The following SRBD1 variants were observed in gnomAD, a reference collection of about 807,000 sequenced individuals.
SRBD1 encodes S1 RNA binding domain 1.
In SRBD1, 88 loss-of-function variants were observed where a neutral mutation model predicts 115.3. The observed-to-expected ratio is 0.76, with a 90% confidence interval of 0.64 to 0.91. The LOEUF is 0.91. Among genes scored for constraint, SRBD1 ranks in the 40% least tolerant of loss-of-function variants. The probability of loss-of-function intolerance (pLI) is 0.00; values close to 1 mark genes in which losing one functional copy is unlikely to be tolerated. For synonymous variants in SRBD1, 509 were observed against 407.7 expected (o/e 1.25, Z -2.99); for missense variants, 1,385 against 1,177.4 (o/e 1.18, Z -2.58).
chr2:45,596,094 T>C (rs1052807963), intron 4 of SRBD1, among the ~76,000 whole-genome samples: 6 of 152,216 alleles, frequency 3.9e-5, no homozygotes, highest in African/African-American at 1.4e-4. Flanking sequence ...CATAAAATAG[T>C]TCTTGTGCCT....
chr2:45,500,728 T>A (rs529539222), intron 14 of SRBD1, among the ~76,000 whole-genome samples: 1 of 152,200 alleles, frequency 6.6e-6, no homozygotes, highest in African/African-American at 2.4e-5. Context: ...CAGTATTGAT[T>A]TTCATATGTT....
Position 45,551,115 on chromosome 2 carries a change from G to C in SRBD1, c.1675+10C>G. 1.3e-6 allele frequency: 2 copies of C among 1,579,404 alleles called. No individual in the cohort carries two copies. The highest frequency in any genetic ancestry group is 1.7e-6 in the Non-Finnish European group (2 of 1,168,698). On this transcript the variant is annotated intron_variant, in intron 12 of 20. Coordinates refer to ENST00000263736, the MANE Select transcript of SRBD1 (RefSeq NM_018079.5). Reference sequence around the variant, plus strand: ...ACAACTTTTACATGGAAAATTGCAAGACAACTTACTAGTAGGAGAAATTAT... The same window carrying C: ...ACAACTTTTACATGGAAAATTGCAACACAACTTACTAGTAGGAGAAATTAT...
intron 16 of SRBD1, among the ~76,000 whole-genome samples, chr2:45,465,053 T>G (rs554675425): frequency 0.026 from 2,489 of 95,456 alleles, 66 homozygotes; most frequent in Admixed American, 0.1. Flanking sequence ...ACACACAGAG[T>G]CATCCCCTGG....
At chr2:45,569,104 A>G (rs1250442770) in intron 9 of SRBD1, 1 of 145,734 alleles carries the variant, frequency 6.9e-6, no homozygotes, top group Non-Finnish European at 1.5e-5. Flanking sequence ...TACTTGTGGG[A>G]TAATTCACAC....
intron 20 of SRBD1, among the ~76,000 whole-genome samples, chr2:45,390,937 C>A (rs1231062583): frequency 6.6e-6 from 1 of 152,144 alleles, no homozygotes; most frequent in East Asian, 1.9e-4. Flanking sequence ...AAGCAAGAAA[C>A]CTACTGTAAT....
At chr2:45,544,188 G>A (rs1032814700) in intron 14 of SRBD1, among the ~76,000 whole-genome samples, 8 of 141,844 alleles carry the variant, frequency 5.6e-5, no homozygotes, top group Middle Eastern at 3.9e-3. Flanking sequence ...AACCAAGATC[G>A]CGCCACTGCA....
chr2:45,392,881 G>A, intron 20 of SRBD1, 64 bp downstream of exon 20: 1 of 1,429,504 alleles, frequency 7.0e-7, no homozygotes, highest in Non-Finnish European at 9.5e-7. Flanking sequence ...TTGCTGTGAG[G>A]ATCAAAGGAG....
chr2:45,546,500 G>C, intron 14 of SRBD1: 1 of 394,340 alleles, frequency 2.5e-6, no homozygotes, highest in Non-Finnish European at 3.4e-6. Flanking sequence ...GCCCTAACGT[G>C]CTGCTTCTGT....
chr2:45,394,585 T>C (rs1361466728), intron 19 of SRBD1, among the ~76,000 whole-genome samples: 1 of 152,196 alleles, frequency 6.6e-6, no homozygotes, highest in Non-Finnish European at 1.5e-5. Context: ...AAAAAAAGAA[T>C]GCTTGTGATT....
chr2:45,465,142 T>C (rs1053309736), intron 16 of SRBD1, among the ~76,000 whole-genome samples: 1 of 152,056 alleles, frequency 6.6e-6, no homozygotes. Flanking sequence ...AACGGTGTAG[T>C]ATTTGCATTT....
At chr2:45,421,458 G>C (rs1411441054) in intron 16 of SRBD1, among the ~76,000 whole-genome samples, 1 of 124,236 alleles carries the variant, frequency 8.0e-6, no homozygotes, top group South Asian at 2.8e-4. Context: ...AGTGAGCGTA[G>C]ATCGTGCCAC....
chr2:45,510,419 A>G (rs1670931587), intron 14 of SRBD1, among the ~76,000 whole-genome samples: 1 of 152,234 alleles, frequency 6.6e-6, no homozygotes, highest in Non-Finnish European at 1.5e-5. Flanking sequence ...CCTTCTGGAA[A>G]GCTATGTTTT....
intron 10 of SRBD1, among the ~76,000 whole-genome samples, chr2:45,554,366 T>A (rs940429611): frequency 2.0e-5 from 3 of 152,228 alleles, no homozygotes; most frequent in Non-Finnish European, 4.4e-5. Flanking sequence ...TGAAGCCACA[T>A]AGTCTGTGGT....
chr2:45,485,869 T>C (rs1384093967), intron 15 of SRBD1, among the ~76,000 whole-genome samples: 1 of 152,120 alleles, frequency 6.6e-6, no homozygotes, highest in Admixed American at 6.5e-5. Context: ...GAAAGTGGAC[T>C]CTGGAAAACC....
rs778943329 is a variant in SRBD1 at position 45,419,869 on chromosome 2, T to C, written c.2075A>G (p.Lys692Arg). ...TTCTACAACACTGTCCAGTGTTGCC[T>C]TGAGTAAAGTCTGGGATACGTCATG... is the stretch of plus-strand genomic sequence containing the variant. ...YQHDVSQTLL[K>R]ATLDSVVEEC... Residue 692 changes from lysine (K) to arginine (R), a missense_variant, in exon 17 of 21, where the codon AAG (lysine) becomes AGG (arginine). Coordinates refer to ENST00000263736, the MANE Select transcript of SRBD1 (RefSeq NM_018079.5). The C allele has an allele frequency of 9.3e-6, 15 of 1,613,372 alleles. No individual in the cohort carries two copies. In the South Asian group the frequency reaches 1.6e-4, roughly 18 times the overall value.
chr2:45,578,359 C>G (rs926807355), intron 7 of SRBD1, among the ~76,000 whole-genome samples: 1 of 152,094 alleles, frequency 6.6e-6, no homozygotes, highest in African/African-American at 2.4e-5. Context: ...ACTATAAATA[C>G]ACATTAAAAA....
At chr2:45,458,522 A>G (rs1446735121) in intron 16 of SRBD1, among the ~76,000 whole-genome samples, 1 of 152,170 alleles carries the variant, frequency 6.6e-6, no homozygotes, top group African/African-American at 2.4e-5. Flanking sequence ...GGACCCTCTG[A>G]CAACTTTATT....
intron 14 of SRBD1, among the ~76,000 whole-genome samples, chr2:45,502,235 G>A (rs2103897138): frequency 6.6e-6 from 1 of 152,316 alleles, no homozygotes; most frequent in East Asian, 1.9e-4. Flanking sequence ...GGTCCTGACT[G>A]TTAAAAGGAA....
intron 4 of SRBD1, among the ~76,000 whole-genome samples, chr2:45,591,027 A>G (rs575646080): frequency 6.6e-6 from 1 of 151,368 alleles, no homozygotes; most frequent in East Asian, 1.9e-4. Context: ...AAAAAAAAAA[A>G]CCCTCTTTCC....
Sources: allele counts gnomAD v4.1 joint callset (sites outside exome capture counted in the v4.1 genomes callset), GRCh38; gene constraint gnomAD v4.1.1; transcripts MANE v1.5; gene names NCBI Gene and HGNC (gene_info 2026-07-23, HGNC 2026-07-21).